NFKB1: variants seen among roughly 807,000 people sequenced by gnomAD.
NFKB1 encodes the protein nuclear factor NF-kappa-B p105 subunit.
NFKB1 carries 9 observed loss-of-function variants against 105.1 expected under a neutral mutation model. That is an observed-to-expected ratio of 0.09 (90% CI 0.05 to 0.15). NFKB1 has a LOEUF of 0.15. Ranked by LOEUF, NFKB1 falls within the 10% of genes least tolerant of loss-of-function variation. The probability of loss-of-function intolerance (pLI) is 1.00; values close to 1 mark genes in which losing one functional copy is unlikely to be tolerated. For missense variants in NFKB1, 830 were observed against 1,203.7 expected, an observed-to-expected ratio of 0.69 and a Z score of 4.59; for synonymous variants, 440 against 442.2, an observed-to-expected ratio of 1.00 and a Z score of 0.06.
At chr4:102,544,955 G>A (rs542419015) in intron 5 of NFKB1, among the ~76,000 whole-genome samples, 2 of 151,944 alleles carry the variant, frequency 1.3e-5, no homozygotes, top group Non-Finnish European at 2.9e-5. Context: ...TTATTTCTGG[G>A]ACCACTGTTC....
rs1473445475 is a variant in NFKB1 at position 102,616,780 on chromosome 4, G to A, written c.*186G>A. 1 of 600,756 alleles carries A rather than the reference G, an allele frequency of 1.7e-6. No individual in the cohort carries two copies. The highest frequency in any genetic ancestry group is 1.9e-5 in the African/African-American group (1 of 53,762). 37.2% of individuals were successfully genotyped at this position (600,756 alleles called of 1,614,324 possible). On this transcript the variant is annotated 3_prime_UTR_variant, in exon 24 of 24. Transcript: ENST00000226574. Reference sequence around the variant, plus strand: ...TGGTTCATAAATGAATTTTAGTTTGGTTCACTTACAGATAGTATCTAGCAA... The same window carrying A: ...TGGTTCATAAATGAATTTTAGTTTGATTCACTTACAGATAGTATCTAGCAA...
At chr4:102,543,217 CAAGAG>C (rs1167278317) in intron 5 of NFKB1, among the ~76,000 whole-genome samples, 1 of 152,070 alleles carries the variant, frequency 6.6e-6, no homozygotes, top group Admixed American at 6.6e-5. Flanking sequence ...AGGTGGGTGA[CAAGAG>C]AAGCAGCCCC....
intron 6 of NFKB1, among the ~76,000 whole-genome samples, chr4:102,569,904 A>G (rs1724186146): frequency 6.6e-6 from 1 of 152,106 alleles, no homozygotes; most frequent in African/African-American, 2.4e-5. Flanking sequence ...TCTTTTTTAA[A>G]ATTCATTTAT....
chr4:102,504,624 C>T (rs773045758), intron 1 of NFKB1, among the ~76,000 whole-genome samples: 11 of 152,080 alleles, frequency 7.2e-5, no homozygotes, highest in Non-Finnish European at 1.5e-4. Context: ...AACAGTAGAC[C>T]ATACTGGAGC....
chr4:102,553,810 T>C (rs1365704027), intron 5 of NFKB1, among the ~76,000 whole-genome samples: 2 of 152,208 alleles, frequency 1.3e-5, no homozygotes, highest in Admixed American at 6.5e-5. Flanking sequence ...ATGACAAAAG[T>C]TGAAATCTTT....
At chr4:102,558,065 G>A (rs1431846687) in intron 5 of NFKB1, among the ~76,000 whole-genome samples, 1 of 128,330 alleles carries the variant, frequency 7.8e-6, no homozygotes, top group Non-Finnish European at 1.6e-5. Flanking sequence ...TAAGTTTTAT[G>A]TGCAGGATGT....
intron 11 of NFKB1, among the ~76,000 whole-genome samples, chr4:102,591,349 G>T (rs531796300): frequency 6.6e-6 from 1 of 151,196 alleles, no homozygotes; most frequent in Non-Finnish European, 1.5e-5. Flanking sequence ...GAACACAGAA[G>T]GTCGAGGCTG....
At chr4:102,550,708 G>A (rs939504384) in intron 5 of NFKB1, among the ~76,000 whole-genome samples, 2 of 152,104 alleles carry the variant, frequency 1.3e-5, no homozygotes, top group Non-Finnish European at 2.9e-5. Context: ...AAATTTCTTT[G>A]TAGTTCTTTT....
chr4:102,586,894 A>C (rs1306962600), intron 11 of NFKB1, among the ~76,000 whole-genome samples: 1 of 152,214 alleles, frequency 6.6e-6, no homozygotes, highest in Non-Finnish European at 1.5e-5. Flanking sequence ...GTAATCTTTG[A>C]AGAGGGCTTT....
At chr4:102,601,825 C>T (rs1024379480) in intron 16 of NFKB1, among the ~76,000 whole-genome samples, 2 of 152,222 alleles carry the variant, frequency 1.3e-5, no homozygotes, top group Non-Finnish European at 2.9e-5. Flanking sequence ...TGGGGTTCGG[C>T]TCCTGAGGTT....
At chr4:102,535,748 C>A (rs1452368049) in intron 4 of NFKB1, among the ~76,000 whole-genome samples, 1 of 152,090 alleles carries the variant, frequency 6.6e-6, no homozygotes, top group Admixed American at 6.5e-5. Flanking sequence ...TCGTATGTAA[C>A]CATGAAAAAT....
In NFKB1 at chr4:102,573,114, A is replaced by T. The variant is rs1237392127; in HGVS notation, c.408-3762A>T. On this transcript the variant is annotated intron_variant, in intron 6 of 23. Coordinates refer to ENST00000226574, the MANE Select transcript of NFKB1 (RefSeq NM_003998.4). ...ACCTGAGGTCAGGAGTTCAAGACCAACCTGACCAACATGGAGAAACCCCGT... is the reference window on the plus strand; with the variant it reads ...ACCTGAGGTCAGGAGTTCAAGACCATCCTGACCAACATGGAGAAACCCCGT... 2.6e-5 allele frequency among the ~76,000 whole-genome samples: 4 copies of T among 152,040 alleles called. 1 individual carries two copies. The highest frequency in any genetic ancestry group is 9.7e-5 in the African/African-American group (4 of 41,388).
intron 16 of NFKB1, among the ~76,000 whole-genome samples, chr4:102,601,755 G>C (rs1219230688): frequency 6.6e-6 from 1 of 152,204 alleles, no homozygotes; most frequent in Non-Finnish European, 1.5e-5. Context: ...TTGGTGATGG[G>C]AGCCCAGTGA....
At chr4:102,600,455 AAGTT>A (rs1727045776) in intron 15 of NFKB1, among the ~76,000 whole-genome samples, 1 of 152,224 alleles carries the variant, frequency 6.6e-6, no homozygotes, top group Admixed American at 6.5e-5. Flanking sequence ...TGAGGTAACT[AAGTT>A]TTTCTGAACA....
intron 5 of NFKB1, among the ~76,000 whole-genome samples, chr4:102,562,821 C>T (rs139290052): frequency 1.2e-4 from 18 of 152,292 alleles, no homozygotes; most frequent in East Asian, 1.9e-4. Context: ...GAGGTGCACA[C>T]GTGAAGTCAG....
chr4:102,611,605 C>T (rs527544815), intron 20 of NFKB1, among the ~76,000 whole-genome samples: 1 of 152,328 alleles, frequency 6.6e-6, no homozygotes, highest in East Asian at 1.9e-4. Context: ...AACATCTAGA[C>T]ATCTCAATTT....
chr4:102,584,678 G>A lies in NFKB1; in HGVS notation c.928-4G>A, dbSNP rs533511354. ...ACCAACATGTGGTTCTTCGTATCCTGCAGTTTGCCATTGTCTTCAAAACTC... is the reference window on the plus strand; with the variant it reads ...ACCAACATGTGGTTCTTCGTATCCTACAGTTTGCCATTGTCTTCAAAACTC... On this transcript the variant is annotated splice_region_variant and splice_polypyrimidine_tract_variant and intron_variant, in intron 10 of 23. Transcript: ENST00000226574. 6.3e-7 allele frequency: 1 copy of A among 1,586,218 alleles called. No individual in the cohort carries two copies. Among genetic ancestry groups the A allele is most frequent in the African/African-American group, 1.4e-5 (1 of 72,874 alleles).
intron 5 of NFKB1, among the ~76,000 whole-genome samples, chr4:102,560,567 A>G (rs1295259070): frequency 6.6e-6 from 1 of 152,102 alleles, no homozygotes; most frequent in East Asian, 1.9e-4. Context: ...TACTACCAGG[A>G]AAAGAAAAAC....
chr4:102,551,851 G>A (rs1459440789), intron 5 of NFKB1, among the ~76,000 whole-genome samples: 1 of 152,156 alleles, frequency 6.6e-6, no homozygotes, highest in East Asian at 1.9e-4. Flanking sequence ...TGAAAGCTGA[G>A]ACAATGGACC....
Sources: gnomAD v4.1 joint callset for allele counts (sites outside exome capture counted in the v4.1 genomes callset) on GRCh38, gnomAD v4.1.1 for gene constraint, MANE v1.5 for transcripts, NCBI Gene and HGNC (gene_info 2026-07-23, HGNC 2026-07-21) for gene names.